Variants in ADCY1 observed in about 807,000 individuals in gnomAD.
The protein encoded by ADCY1 is adenylate cyclase type 1.
Under a neutral mutation model 105.4 loss-of-function variants are expected in ADCY1, and 28 were observed. That is an observed-to-expected ratio of 0.27 (90% CI 0.20 to 0.36). The LOEUF (loss-of-function observed/expected upper bound fraction) is 0.36, where lower values mean the gene tolerates loss of function less well. ADCY1 is among the 10% of genes least tolerant of loss of function. The probability of loss-of-function intolerance (pLI) is 1.00; values close to 1 mark genes in which losing one functional copy is unlikely to be tolerated. For missense variants in ADCY1, 977 were observed against 1,434.2 expected (o/e 0.68, Z 5.15); for synonymous variants, 655 against 623.8 (o/e 1.05, Z -0.75).
At chr7:45,592,667 GA>G (rs775052372) in intron 1 of ADCY1, 91 bp from the exon 2 acceptor site, 1 of 1,561,256 alleles carries the variant, frequency 6.4e-7, no homozygotes, top group Non-Finnish European at 8.7e-7. Context: ...GTGGCTTTTG[GA>G]GAGCTCTTGC....
intron 18 of ADCY1, among the ~76,000 whole-genome samples, chr7:45,709,247 C>T (rs1562734519): frequency 6.6e-6 from 1 of 152,094 alleles, no homozygotes; most frequent in Non-Finnish European, 1.5e-5. Context: ...CCAGCTGGGC[C>T]CTGGGCTCTG....
chr7:45,674,776 T>C (rs1784426268), intron 8 of ADCY1, among the ~76,000 whole-genome samples: 2 of 152,244 alleles, frequency 1.3e-5, no homozygotes, highest in South Asian at 4.1e-4. Flanking sequence ...CATTGACTCT[T>C]TAATCATTTT....
chr7:45,627,121 A>G (rs1794079154), intron 4 of ADCY1, among the ~76,000 whole-genome samples: 1 of 152,222 alleles, frequency 6.6e-6, no homozygotes, highest in Non-Finnish European at 1.5e-5. Context: ...TTGACCTCAC[A>G]GAAGTCTTTG....
chr7:45,643,134 G>A lies in ADCY1; in HGVS notation c.1021-5536G>A, dbSNP rs150778674. On this transcript the variant is annotated intron_variant, in intron 4 of 19. Coordinates refer to ENST00000297323, the MANE Select transcript of ADCY1 (RefSeq NM_021116.4). ...CTGTCTTTTTTTTTTTTTTTTTTAA[G>A]GTCAGTCACCTCTGAGCAGCATCTT... is the stretch of plus-strand genomic sequence containing the variant. 2.4e-3 allele frequency among the ~76,000 whole-genome samples: 342 copies of A among 140,674 alleles called. 1 individual carries two copies. Among genetic ancestry groups the A allele is most frequent in the African/African-American group, 8.8e-3 (324 of 36,752 alleles). 92.3% of individuals were successfully genotyped at this position (140,674 alleles called of 152,430 possible).
At chr7:45,610,525 G>A (rs151316038) in intron 3 of ADCY1, 28 bp downstream of exon 3, 29 of 1,588,110 alleles carry the variant, frequency 1.8e-5, no homozygotes, top group Non-Finnish European at 2.3e-5. Context: ...CCGGCACAGC[G>A]GGGAGCCTGG....
At chr7:45,701,077 C>T (rs1784986503) in intron 14 of ADCY1, among the ~76,000 whole-genome samples, 1 of 152,176 alleles carries the variant, frequency 6.6e-6, no homozygotes, top group Non-Finnish European at 1.5e-5. Context: ...ACATTCTGAA[C>T]ATGGAGGTTG....
intron 8 of ADCY1, among the ~76,000 whole-genome samples, chr7:45,663,941 C>G (rs2461105): frequency 0.96 from 146,571 of 152,286 alleles, 70,764 homozygotes; most frequent in Non-Finnish European, 1. Flanking sequence ...CGTGCTGTTG[C>G]GGGGAGAGGT....
In ADCY1 at chr7:45,645,943, C is replaced by T. The variant is rs535254766; in HGVS notation, c.1021-2727C>T. 7.4e-5 allele frequency among the ~76,000 whole-genome samples: 11 copies of T among 148,406 alleles called. No individual in the cohort carries two copies. The East Asian group carries it at 2.0e-3, about 27-fold the overall frequency. ...GAGAAGAAATCCTGATGTGTCAGGG[C>T]TATCATCACAGGTTGTGAGTGCTCA... On this transcript the variant is annotated intron_variant, in intron 4 of 19. Transcript: ENST00000297323.
chr7:45,696,365 G>A (rs1483857159), intron 14 of ADCY1, among the ~76,000 whole-genome samples: 1 of 150,960 alleles, frequency 6.6e-6, no homozygotes, highest in Non-Finnish European at 1.5e-5. Flanking sequence ...CGTGAACCTG[G>A]GAGGCGGAGC....
intron 19 of ADCY1, among the ~76,000 whole-genome samples, chr7:45,711,642 T>C (rs368117014): frequency 0.14 from 2,936 of 20,486 alleles, 94 homozygotes; most frequent in Middle Eastern, 0.3. Flanking sequence ...TATATATATA[T>C]ATACACACAC....
At chr7:45,655,414 A>G (rs539142229) in intron 5 of ADCY1, among the ~76,000 whole-genome samples, 1 of 152,354 alleles carries the variant, frequency 6.6e-6, no homozygotes, top group African/African-American at 2.4e-5. Flanking sequence ...TAAAGAAAAA[A>G]CATAGTACAA....
rs992837566 is a variant in ADCY1 at position 45,715,444 on chromosome 7, C to T, written c.*1449C>T. ...GTTGGGGGTCCGCCTCCTCACTGCT[C>T]CTCAACAGCTGTAACCCTTTCCTGA... is the stretch of plus-strand genomic sequence containing the variant. On this transcript the variant is annotated 3_prime_UTR_variant, in exon 20 of 20. Transcript: ENST00000297323. The T allele has an allele frequency of 2.0e-5, 3 of 152,446 alleles. No individual in the cohort carries two copies. Among genetic ancestry groups the T allele is most frequent in the African/African-American group, 4.8e-5 (2 of 41,444 alleles). The allele number at this position is 152,446 out of a possible 1,614,324, so 9.4% of individuals were successfully genotyped here. A position where few individuals can be genotyped will look rare whatever the true frequency, so the allele number is the denominator to read the frequency against.
chr7:45,672,342 A>G (rs2116165563), intron 8 of ADCY1, among the ~76,000 whole-genome samples: 1 of 152,202 alleles, frequency 6.6e-6, no homozygotes, highest in East Asian at 1.9e-4. Flanking sequence ...TGATTAATGC[A>G]GTTGTATAAG....
rs1784667430 is a variant in ADCY1, at chr7:45,686,090, C to T, written c.2202C>T (p.Cys734=). 4 of 1,614,180 alleles carry T rather than the reference C, an allele frequency of 2.5e-6. No individual in the cohort carries two copies. The highest frequency in any genetic ancestry group is 3.4e-6 in the Non-Finnish European group (4 of 1,180,010). The part of the protein sequence containing the change: ...CESTHHALLC[C]LVGTLPLAIF... Reference sequence around the variant, plus strand: ...CTACACACCATGCCCTGCTCTGCTGCCTGGTGGGCACCCTCCCGCTAGCCA... The same window carrying T: ...CTACACACCATGCCCTGCTCTGCTGTCTGGTGGGCACCCTCCCGCTAGCCA... Residue 734 remains cysteine (C), a synonymous_variant, in exon 13 of 20, where the codon TGC becomes TGT. Coordinates refer to ENST00000297323, the MANE Select transcript of ADCY1 (RefSeq NM_021116.4). This position sits in a 1 kb window ranked among gnomAD's most constrained non-coding sequence, Gnocchi z 4.3.
chr7:45,660,143 A>G lies in ADCY1; in HGVS notation c.1409A>G (p.Asn470Ser). The change falls in exon 7 of 20, where the codon AAC becomes AGC. Residue 470 changes from asparagine (N) to serine (S), a missense_variant. By Grantham distance (46) the Asn-to-Ser change is conservative. Transcript: ENST00000297323. Reference sequence around the variant, plus strand: ...AGGAACAGTTTCTTGAAAACTCATAACATCGAAACCTTTTTTATTGTGCCA... The same window carrying G: ...AGGAACAGTTTCTTGAAAACTCATAGCATCGAAACCTTTTTTATTGTGCCA... The part of the protein sequence containing the change: ...HERNSFLKTH[N>S]IETFFIVPSH... The G allele has an allele frequency of 3.7e-6, 6 of 1,614,248 alleles. No individual in the cohort carries two copies. Among genetic ancestry groups the G allele is most frequent in the Non-Finnish European group, 5.1e-6 (6 of 1,180,030 alleles).
chr7:45,677,384 A>C (rs1168098883), intron 8 of ADCY1, among the ~76,000 whole-genome samples: 1 of 152,124 alleles, frequency 6.6e-6, no homozygotes, highest in Non-Finnish European at 1.5e-5. Flanking sequence ...CTCATGTGAC[A>C]TATGGAAGCT....
intron 8 of ADCY1, among the ~76,000 whole-genome samples, chr7:45,669,072 A>C (rs1324512832): frequency 6.6e-6 from 1 of 151,960 alleles, no homozygotes; most frequent in East Asian, 1.9e-4. Context: ...TGATCTTTTC[A>C]AAAAAACAGC....
rs73320927 is a variant in ADCY1 at position 45,717,901 on chromosome 7, G to C, written c.*3906G>C. 1 of 152,754 alleles carries C rather than the reference G, an allele frequency of 6.5e-6. No individual in the cohort carries two copies. Among genetic ancestry groups the C allele is most frequent in the African/African-American group, 2.4e-5 (1 of 41,588 alleles). The allele number at this position is 152,754 out of a possible 1,614,324, so 9.5% of individuals were successfully genotyped here. On this transcript the variant is annotated 3_prime_UTR_variant, in exon 20 of 20. Transcript: ENST00000297323. ...AATAACTCTAACTCTATACTGTAGA[G>C]ATGAGTCTGGTCCGAAGCAGATTAG...
intron 8 of ADCY1, among the ~76,000 whole-genome samples, chr7:45,675,847 T>C (rs1488700938): frequency 6.6e-6 from 1 of 152,192 alleles, no homozygotes; most frequent in Non-Finnish European, 1.5e-5. Context: ...ATCTGTTTCT[T>C]TGAGTTTGCC....
Sources: gnomAD v4.1 joint callset for allele counts (sites outside exome capture counted in the v4.1 genomes callset) on GRCh38, gnomAD v4.1.1 for gene constraint, Gnocchi (gnomAD v3.1) non-coding constraint, MANE v1.5 for transcripts, NCBI Gene and HGNC (gene_info 2026-07-23, HGNC 2026-07-21) for gene names.